Variants in ARHGAP15 observed in about 807,000 individuals in gnomAD.
ARHGAP15 encodes Rho GTPase activating protein 15, also known as rho GTPase-activating protein 15.
ARHGAP15 carries 51 observed loss-of-function variants against 63.7 expected under a neutral mutation model. The observed-to-expected ratio is 0.80, with a 90% CI of 0.64 to 1.01. ARHGAP15 has a LOEUF of 1.01. Ranked by LOEUF, ARHGAP15 falls within the 50% of genes least tolerant of loss-of-function variation. ARHGAP15 has a pLI of 0.00. For missense variants in ARHGAP15, 560 were observed against 564.6 expected, an observed-to-expected ratio of 0.99 and a Z score of 0.08; for synonymous variants, 191 against 193.8, an observed-to-expected ratio of 0.99 and a Z score of 0.12.
chr2:143,471,047 A>G (rs550152738), intron 8 of ARHGAP15, among the ~76,000 whole-genome samples: 15 of 145,482 alleles, frequency 1.0e-4, no homozygotes, highest in East Asian at 6.0e-4. Context: ...GCACACACAC[A>G]TGTGTGCATA....
intron 9 of ARHGAP15, among the ~76,000 whole-genome samples, chr2:143,511,592 G>GTTTC (rs1693592697): frequency 6.6e-6 from 1 of 152,032 alleles, no homozygotes; most frequent in East Asian, 1.9e-4. Context: ...TTGTTTGTTT[G>GTTTC]TTTTTGAAGA....
chr2:143,272,870 T>C (rs1382413181), intron 6 of ARHGAP15, among the ~76,000 whole-genome samples: 2 of 152,198 alleles, frequency 1.3e-5, no homozygotes, highest in Non-Finnish European at 2.9e-5. Flanking sequence ...CGATCCAGAA[T>C]CTTGCTTTTT....
rs1273332092 is a variant in ARHGAP15 at position 143,567,151 on chromosome 2, A to G, written c.1003+10666A>G. Reference sequence around the variant, plus strand: ...CGGCCTCCCAAAGTGCTGGCATTACAGGGGTGAGCCACAGCGTGCTTCTTT... The same window carrying G: ...CGGCCTCCCAAAGTGCTGGCATTACGGGGGTGAGCCACAGCGTGCTTCTTT... On this transcript the variant is annotated intron_variant, in intron 11 of 13. Transcript: ENST00000295095. Among the ~76,000 whole-genome samples the G allele has an allele frequency of 3.3e-5, 5 of 152,238 alleles. No homozygotes were observed. The East Asian group carries it at 9.7e-4, about 29-fold the overall frequency.
intron 13 of ARHGAP15, among the ~76,000 whole-genome samples, chr2:143,722,179 A>G (rs73961846): frequency 5.3e-5 from 8 of 151,430 alleles, no homozygotes; most frequent in African/African-American, 1.9e-4. Context: ...AGAAACACAC[A>G]CACACACACA....
intron 11 of ARHGAP15, chr2:143,601,747 T>C (rs963112732): frequency 1.3e-5 from 2 of 152,204 alleles, no homozygotes; most frequent in African/African-American, 4.8e-5. Context: ...AATACTATTA[T>C]GTAGCTTAAC....
chr2:143,538,134 T>C (rs1431135767), intron 10 of ARHGAP15, among the ~76,000 whole-genome samples: 1 of 152,170 alleles, frequency 6.6e-6, no homozygotes, highest in Non-Finnish European at 1.5e-5. Context: ...TTATTCTCTT[T>C]GAAGCAATTG....
intron 13 of ARHGAP15, among the ~76,000 whole-genome samples, chr2:143,762,613 A>G (rs1403254052): frequency 6.6e-6 from 1 of 152,136 alleles, no homozygotes; most frequent in Non-Finnish European, 1.5e-5. Context: ...GCATTTCTTC[A>G]TATACACTCT....
At chr2:143,303,915 C>T (rs1033441472) in intron 6 of ARHGAP15, among the ~76,000 whole-genome samples, 2 of 152,152 alleles carry the variant, frequency 1.3e-5, no homozygotes, top group African/African-American at 4.8e-5. Context: ...TACCAACTCA[C>T]ACCAGTTAGA....
chr2:143,557,005 G>A (rs1220904281), intron 11 of ARHGAP15, among the ~76,000 whole-genome samples: 2 of 152,116 alleles, frequency 1.3e-5, no homozygotes, highest in African/African-American at 2.4e-5. Context: ...CCAAATGCTG[G>A]CCAAGATGTG....
intron 3 of ARHGAP15, among the ~76,000 whole-genome samples, chr2:143,212,675 A>T (rs1022563240): frequency 6.6e-6 from 1 of 152,170 alleles, no homozygotes; most frequent in African/African-American, 2.4e-5. Flanking sequence ...TGTCCCTTCA[A>T]ACCATGGGAT....
At chr2:143,346,226 ACACTCTCT>A (rs1288308650) in intron 6 of ARHGAP15, among the ~76,000 whole-genome samples, 13 of 128,768 alleles carry the variant, frequency 1.0e-4, no homozygotes, top group African/African-American at 3.9e-4. Flanking sequence ...TCTCTCACAC[ACACTCTCT>A]CTCACACACA....
At chr2:143,421,119 C>G (rs147693896) in intron 6 of ARHGAP15, among the ~76,000 whole-genome samples, 13 of 151,962 alleles carry the variant, frequency 8.6e-5, no homozygotes, top group African/African-American at 2.9e-4. Flanking sequence ...GTATTCCAAA[C>G]AGCACATTGC....
intron 6 of ARHGAP15, among the ~76,000 whole-genome samples, chr2:143,278,439 A>G (rs1475589966): frequency 6.6e-6 from 1 of 152,178 alleles, no homozygotes; most frequent in Non-Finnish European, 1.5e-5. Flanking sequence ...AGGAGGACTG[A>G]CATTTCCCCA....
chr2:143,763,803 A>G (rs1686857551), intron 13 of ARHGAP15, among the ~76,000 whole-genome samples: 1 of 148,530 alleles, frequency 6.7e-6, no homozygotes, highest in Non-Finnish European at 1.5e-5. Context: ...GTATATATTT[A>G]TATAGATTAC....
chr2:143,508,827 G>C (rs1693439692), intron 9 of ARHGAP15, among the ~76,000 whole-genome samples: 1 of 152,152 alleles, frequency 6.6e-6, no homozygotes, highest in Non-Finnish European at 1.5e-5. Context: ...ACCAAAATTA[G>C]ATTGACATCT....
intron 5 of ARHGAP15, among the ~76,000 whole-genome samples, chr2:143,240,452 C>T (rs1201738625): frequency 6.6e-6 from 1 of 152,030 alleles, no homozygotes; most frequent in African/African-American, 2.4e-5. Flanking sequence ...ATGATTTTAT[C>T]TTTGTAGAGT....
At chr2:143,220,166 T>G (rs1692931087) in intron 4 of ARHGAP15, among the ~76,000 whole-genome samples, 1 of 152,162 alleles carries the variant, frequency 6.6e-6, no homozygotes, top group Non-Finnish European at 1.5e-5. Flanking sequence ...ATTAAATTAT[T>G]TGTATTAGAA....
intron 6 of ARHGAP15, among the ~76,000 whole-genome samples, chr2:143,428,470 C>T (rs769612166): frequency 6.6e-6 from 1 of 151,686 alleles, no homozygotes; most frequent in Non-Finnish European, 1.5e-5. Flanking sequence ...AGAGGGATCA[C>T]TTTGGCTGCA....
intron 13 of ARHGAP15, among the ~76,000 whole-genome samples, chr2:143,727,178 A>G (rs1213871504): frequency 1.3e-5 from 2 of 152,242 alleles, no homozygotes; most frequent in Non-Finnish European, 2.9e-5. Flanking sequence ...GGTAGCATCA[A>G]CTGCAATTAG....
Sources: gnomAD v4.1 joint callset for allele counts (sites outside exome capture counted in the v4.1 genomes callset) on GRCh38, gnomAD v4.1.1 for gene constraint, MANE v1.5 for transcripts, NCBI Gene and HGNC (gene_info 2026-07-23, HGNC 2026-07-21) for gene names.